Variants in DCC observed in about 807,000 individuals in gnomAD.
DCC encodes netrin receptor DCC.
A neutral mutation model predicts 172.5 loss-of-function variants in DCC; 58 were observed. The observed-to-expected ratio is 0.34, with a 90% CI of 0.27 to 0.42. DCC has a LOEUF of 0.42. Ranked by LOEUF, DCC falls within the 10% of genes least tolerant of loss-of-function variation. DCC has a pLI of 1.00. For missense variants in DCC, 1,740 were observed against 1,791.0 expected, an observed-to-expected ratio of 0.97 and a Z score of 0.51; for synonymous variants, 709 against 644.5, an observed-to-expected ratio of 1.10 and a Z score of -1.52.
chr18:52,883,772 T>C (rs1366195012), intron 2 of DCC, among the ~76,000 whole-genome samples: 1 of 152,054 alleles, frequency 6.6e-6, no homozygotes, highest in African/African-American at 2.4e-5. Flanking sequence ...TATCCTGTGT[T>C]TTTCTGTGTG....
At chr18:53,402,519 C>A (rs1434118528) in intron 18 of DCC, among the ~76,000 whole-genome samples, 1 of 152,090 alleles carries the variant, frequency 6.6e-6, no homozygotes, top group African/African-American at 2.4e-5. Flanking sequence ...ACTTGAAATA[C>A]CAGTTGTACT....
chr18:52,434,775 C>T (rs1987736610), intron 1 of DCC, among the ~76,000 whole-genome samples: 1 of 151,954 alleles, frequency 6.6e-6, no homozygotes, highest in African/African-American at 2.4e-5. Flanking sequence ...TTTATTAACA[C>T]TGTTACATAC....
At chr18:52,508,319 C>A (rs1024656083) in intron 1 of DCC, among the ~76,000 whole-genome samples, 1 of 152,090 alleles carries the variant, frequency 6.6e-6, no homozygotes, top group Non-Finnish European at 1.5e-5. Context: ...CATCTTTATA[C>A]ATTTTATCAT....
intron 1 of DCC, 111 bp downstream of exon 1, chr18:52,340,989 C>T: frequency 1.1e-6 from 1 of 888,232 alleles, no homozygotes; most frequent in Non-Finnish European, 1.9e-6. Flanking sequence ...AGAGATTTGG[C>T]GCTTGCGCTG....
chr18:53,043,244 C>G (rs550510083), intron 5 of DCC, among the ~76,000 whole-genome samples: 2 of 149,832 alleles, frequency 1.3e-5, no homozygotes, highest in East Asian at 4.0e-4. Flanking sequence ...GCATGTTCTC[C>G]TAAGTGGGAG....
intron 22 of DCC, among the ~76,000 whole-genome samples, chr18:53,445,307 G>C (rs543686210): frequency 1.3e-5 from 2 of 152,320 alleles, no homozygotes; most frequent in African/African-American, 4.8e-5. Context: ...TAATTATAAA[G>C]CCATTATCAG....
rs1030122693 is a variant in DCC, at chr18:52,676,687, A to C, written c.92-75367A>C. On this transcript the variant is annotated intron_variant, in intron 1 of 28. Coordinates refer to ENST00000442544, the MANE Select transcript of DCC (RefSeq NM_005215.4). ...GAAAAGGGTCAAGTTGGAACCAGAC[A>C]TCACCCTGTCCCAAGTGCAACGTGA... 7.9e-5 allele frequency among the ~76,000 whole-genome samples: 12 copies of C among 152,290 alleles called. No homozygotes were observed. In the South Asian group the frequency reaches 2.5e-3, roughly 32 times the overall value.
chr18:53,245,561 T>G (rs985255475), intron 12 of DCC, among the ~76,000 whole-genome samples: 4 of 152,148 alleles, frequency 2.6e-5, no homozygotes, highest in African/African-American at 7.2e-5. Context: ...TAATGAGAGA[T>G]GCAGAAAAAC....
chr18:52,466,344 G>T (rs567592935), intron 1 of DCC, among the ~76,000 whole-genome samples: 2 of 152,088 alleles, frequency 1.3e-5, no homozygotes, highest in Non-Finnish European at 2.9e-5. Context: ...TTAAATCAAC[G>T]AAGTACAGCT....
At chr18:53,516,591 A>C (rs1435670781) in intron 27 of DCC, among the ~76,000 whole-genome samples, 1 of 151,442 alleles carries the variant, frequency 6.6e-6, no homozygotes, top group Non-Finnish European at 1.5e-5. Context: ...AATGAATGCA[A>C]ACAAATTTAC....
intron 17 of DCC, among the ~76,000 whole-genome samples, chr18:53,396,208 G>T (rs2145021131): frequency 6.6e-6 from 1 of 152,074 alleles, no homozygotes; most frequent in East Asian, 1.9e-4. Context: ...GACATAAATA[G>T]ATAATAAATG....
chr18:52,765,969 C>G (rs556587197), intron 2 of DCC, among the ~76,000 whole-genome samples: 1 of 152,186 alleles, frequency 6.6e-6, no homozygotes, highest in East Asian at 1.9e-4. Flanking sequence ...CATAGTGAAG[C>G]AGGACGTTTC....
intron 1 of DCC, among the ~76,000 whole-genome samples, chr18:52,598,597 C>T (rs965338226): frequency 1.3e-5 from 2 of 152,180 alleles, no homozygotes; most frequent in Non-Finnish European, 2.9e-5. Flanking sequence ...CTGCAGGCCT[C>T]TTGTGCATGT....
chr18:53,460,056 GAAA>G (rs55871112), intron 24 of DCC, among the ~76,000 whole-genome samples: 13 of 75,980 alleles, frequency 1.7e-4, no homozygotes, highest in Admixed American at 3.2e-4. Context: ...AAAGGGATCT[GAAA>G]AAAAAAAAAA....
intron 12 of DCC, among the ~76,000 whole-genome samples, chr18:53,279,368 A>G (rs1278830224): frequency 6.6e-6 from 1 of 151,634 alleles, no homozygotes; most frequent in Non-Finnish European, 1.5e-5. Flanking sequence ...GAAGCTGGAA[A>G]CCATCATTCT....
chr18:52,786,399 A>C (rs1308341780), intron 2 of DCC, among the ~76,000 whole-genome samples: 1 of 151,440 alleles, frequency 6.6e-6, no homozygotes, highest in Non-Finnish European at 1.5e-5. Flanking sequence ...TGAGACAAGG[A>C]TTTAATGACA....
chr18:52,899,794 G>C (rs191719245), intron 2 of DCC, among the ~76,000 whole-genome samples: 9 of 152,074 alleles, frequency 5.9e-5, no homozygotes, highest in East Asian at 3.9e-4. Context: ...CCACTCCAAG[G>C]CTCCTCTAAC....
chr18:53,012,021 A>T (rs757095768), intron 5 of DCC, among the ~76,000 whole-genome samples: 3 of 151,976 alleles, frequency 2.0e-5, no homozygotes, highest in Non-Finnish European at 4.4e-5. Context: ...CAGATTATTT[A>T]AATTAAAAAG....
intron 2 of DCC, among the ~76,000 whole-genome samples, chr18:52,759,961 T>C (rs949065230): frequency 2.6e-5 from 4 of 152,172 alleles, no homozygotes; most frequent in African/African-American, 9.7e-5. Context: ...ACAGAGAGCA[T>C]AGACAAATGG....
Sources: gnomAD v4.1 joint callset for allele counts (sites outside exome capture counted in the v4.1 genomes callset) on GRCh38, gnomAD v4.1.1 for gene constraint, MANE v1.5 for transcripts, NCBI Gene and HGNC (gene_info 2026-07-23, HGNC 2026-07-21) for gene names.